The following GRIP1 variants were observed in gnomAD, a reference collection of about 807,000 sequenced individuals.
GRIP1 encodes glutamate receptor-interacting protein 1.
GRIP1 carries 45 observed loss-of-function variants against 129.9 expected under a neutral mutation model. The observed-to-expected ratio is 0.35, with a 90% CI of 0.27 to 0.44. GRIP1 has a LOEUF of 0.44. Ranked by LOEUF, GRIP1 falls within the 20% of genes least tolerant of loss-of-function variation. The pLI is 1.00. For missense variants in GRIP1, 1,196 were observed against 1,396.8 expected (o/e 0.86, Z 2.29); for synonymous variants, 530 against 520.8 (o/e 1.02, Z -0.24).
intron 1 of GRIP1, among the ~76,000 whole-genome samples, chr12:67,043,918 AATAG>A (rs1431092101): frequency 6.6e-6 from 1 of 152,146 alleles, no homozygotes; most frequent in African/African-American, 2.4e-5. Context: ...TCAAACAGTG[AATAG>A]ATAAAGAAGC....
At chr12:66,841,265 T>G (rs1165630095) in intron 1 of GRIP1, among the ~76,000 whole-genome samples, 2 of 152,152 alleles carry the variant, frequency 1.3e-5, no homozygotes, top group Non-Finnish European at 2.9e-5. Context: ...TTCTCTCTTT[T>G]CTTGTGCCTC....
At chr12:66,587,460 A>C (rs1336489639) in intron 2 of GRIP1, among the ~76,000 whole-genome samples, 1 of 152,228 alleles carries the variant, frequency 6.6e-6, no homozygotes, top group Non-Finnish European at 1.5e-5. Context: ...GCCTGACCTT[A>C]GGCCAGGCAT....
intron 2 of GRIP1, among the ~76,000 whole-genome samples, chr12:66,564,715 A>G (rs1487181340): frequency 6.6e-6 from 1 of 152,126 alleles, no homozygotes; most frequent in African/African-American, 2.4e-5. Flanking sequence ...GTCTTCCACA[A>G]TGGTTGAACT....
chr12:66,510,128 G>A (rs1478304465), intron 7 of GRIP1, among the ~76,000 whole-genome samples: 1 of 152,102 alleles, frequency 6.6e-6, no homozygotes, highest in Non-Finnish European at 1.5e-5. Context: ...CACATATGAT[G>A]TGCCAAGCAC....
intron 1 of GRIP1, among the ~76,000 whole-genome samples, chr12:66,839,741 T>C (rs2137044456): frequency 1.3e-5 from 2 of 152,298 alleles, no homozygotes; most frequent in East Asian, 3.9e-4. Flanking sequence ...TGAGAACAGG[T>C]ATCCTACCTG....
chr12:66,865,169 C>T (rs2040181477), intron 1 of GRIP1, among the ~76,000 whole-genome samples: 1 of 152,082 alleles, frequency 6.6e-6, no homozygotes, highest in South Asian at 2.1e-4. Context: ...CTCAAGGAAG[C>T]ACGGCAAGAA....
chr12:66,681,499 T>C (rs2034582188), upstream of GRIP1, among the ~76,000 whole-genome samples: 1 of 152,192 alleles, frequency 6.6e-6, no homozygotes, highest in African/African-American at 2.4e-5. Context: ...CACAGGCTCC[T>C]AACATGAGCT....
intron 1 of GRIP1, among the ~76,000 whole-genome samples, chr12:66,617,085 TTGTGTGTGTG>T (rs71436017): frequency 0.072 from 9,776 of 135,466 alleles, 427 homozygotes; most frequent in East Asian, 0.12. Context: ...AACAGACGTT[TTGTGTGTGTG>T]TGTGTGTGTG....
chr12:66,610,852 T>A (rs1052834996), intron 1 of GRIP1, among the ~76,000 whole-genome samples: 2 of 152,164 alleles, frequency 1.3e-5, no homozygotes, highest in African/African-American at 2.4e-5. Context: ...CCATTTATAA[T>A]ATGTACTATT....
chr12:66,778,091 T>C (rs189637356), intron 1 of GRIP1, among the ~76,000 whole-genome samples: 9 of 152,294 alleles, frequency 5.9e-5, no homozygotes, highest in Admixed American at 5.9e-4. Flanking sequence ...ATGGTAAAAT[T>C]ATACTATTTG....
chr12:67,019,807 C>T (rs533094257), intron 1 of GRIP1, among the ~76,000 whole-genome samples: 3 of 152,114 alleles, frequency 2.0e-5, no homozygotes, highest in South Asian at 4.2e-4. Context: ...TATATACACA[C>T]ACACACACGC....
chr12:66,918,598 T>C (rs886832611), intron 1 of GRIP1, among the ~76,000 whole-genome samples: 1 of 152,178 alleles, frequency 6.6e-6, no homozygotes, highest in Non-Finnish European at 1.5e-5. Flanking sequence ...ATTTAGGACA[T>C]TAAAATATTT....
rs1339272100 is a variant in GRIP1, at chr12:66,407,046, AT to A, written c.1839-619del. On this transcript the variant is annotated intron_variant, in intron 15 of 24. Coordinates refer to ENST00000359742, the MANE Select transcript of GRIP1 (RefSeq NM_001366722.1). ...GGTCCATAATGAAACAACAAAAAAA[AT>A]AATGTGAATGTAGTATGTATATGTT... Among the ~76,000 whole-genome samples the A allele has an allele frequency of 4.6e-5, 7 of 152,342 alleles. 1 individual carries two copies. Among genetic ancestry groups the A allele is most frequent in the African/African-American group, 1.7e-4 (7 of 41,576 alleles).
chr12:66,831,279 C>T (rs151206682), intron 1 of GRIP1, among the ~76,000 whole-genome samples: 3 of 152,256 alleles, frequency 2.0e-5, no homozygotes, highest in East Asian at 3.9e-4. Context: ...TGACACTAGG[C>T]TCGTTTTTTC....
intron 16 of GRIP1, among the ~76,000 whole-genome samples, chr12:66,405,379 C>T (rs760836911): frequency 6.6e-6 from 1 of 152,186 alleles, no homozygotes; most frequent in Non-Finnish European, 1.5e-5. Context: ...CATTAGCTGA[C>T]TCTTTTGGTG....
At chr12:66,934,745 T>A (rs1394195612) in intron 1 of GRIP1, among the ~76,000 whole-genome samples, 3 of 152,212 alleles carry the variant, frequency 2.0e-5, no homozygotes, top group African/African-American at 4.8e-5. Context: ...TAACTAGATA[T>A]CAAACACAAG....
At chr12:66,421,266 A>G (rs2057792757) in intron 14 of GRIP1, among the ~76,000 whole-genome samples, 1 of 152,078 alleles carries the variant, frequency 6.6e-6, no homozygotes, top group Non-Finnish European at 1.5e-5. Context: ...TTTTTTGGCC[A>G]GGCACAGTGG....
intron 1 of GRIP1, among the ~76,000 whole-genome samples, chr12:66,784,596 C>G (rs1447432304): frequency 6.6e-6 from 1 of 152,128 alleles, no homozygotes; most frequent in Non-Finnish European, 1.5e-5. Flanking sequence ...AGCACCTAAT[C>G]TATTTGCTAT....
At chr12:66,390,806 C>T (rs1165599074) in intron 19 of GRIP1, among the ~76,000 whole-genome samples, 1 of 152,182 alleles carries the variant, frequency 6.6e-6, no homozygotes. Flanking sequence ...TACTCAGTGT[C>T]TTCTGGTGGC....
Sources: gnomAD v4.1 joint callset for allele counts (sites outside exome capture counted in the v4.1 genomes callset) on GRCh38, gnomAD v4.1.1 for gene constraint, MANE v1.5 for transcripts, NCBI Gene and HGNC (gene_info 2026-07-23, HGNC 2026-07-21) for gene names.